Variants in CALN1 observed in about 807,000 individuals in gnomAD.
The protein encoded by CALN1 is calneuron 1, also known as calcium-binding protein 8.
In CALN1, 17 loss-of-function variants were observed where a neutral mutation model predicts 30.6. That is an observed-to-expected ratio of 0.56 (90% CI 0.38 to 0.83). The LOEUF (loss-of-function observed/expected upper bound fraction) is 0.83. CALN1 is among the 40% of genes least tolerant of loss of function. The pLI, the probability that CALN1 is intolerant of heterozygous loss-of-function variation, is 0.00. For synonymous variants in CALN1, 156 were observed against 131.4 expected (o/e 1.19, Z -1.28); for missense variants, 291 against 354.9 (o/e 0.82, Z 1.45).
chr7:72,074,697 T>C (rs1804618914), intron 4 of CALN1, among the ~76,000 whole-genome samples: 1 of 152,192 alleles, frequency 6.6e-6, no homozygotes, highest in Non-Finnish European at 1.5e-5. Flanking sequence ...CTTAAGCCAC[T>C]GCACCTGGCC....
chr7:71,867,131 CGA>C (rs1562855152), intron 5 of CALN1, among the ~76,000 whole-genome samples: 1 of 139,546 alleles, frequency 7.2e-6, no homozygotes, highest in Admixed American at 7.1e-5. Context: ...GGTGACAGAG[CGA>C]GACTCTGTCT....
At chr7:72,184,384 T>A (rs1464903463) in intron 3 of CALN1, among the ~76,000 whole-genome samples, 1 of 152,198 alleles carries the variant, frequency 6.6e-6, no homozygotes, top group Non-Finnish European at 1.5e-5. Flanking sequence ...CCCTCTCTCA[T>A]GTTGTAAGCA....
At chr7:72,428,073 T>C (rs373508274) in intron 1 of CALN1, among the ~76,000 whole-genome samples, 13 of 152,284 alleles carry the variant, frequency 8.5e-5, no homozygotes, top group African/African-American at 1.4e-4. Context: ...CTGTGTTCAT[T>C]TGAAGTGACC....
At chr7:72,288,146 T>C (rs534480958) in intron 2 of CALN1, among the ~76,000 whole-genome samples, 72 of 152,242 alleles carry the variant, frequency 4.7e-4, no homozygotes, top group Non-Finnish European at 8.7e-4. Flanking sequence ...GGGGCCACCA[T>C]CATCAGAAGG....
At chr7:72,196,171 G>A (rs1037414095) in intron 3 of CALN1, among the ~76,000 whole-genome samples, 5 of 151,880 alleles carry the variant, frequency 3.3e-5, no homozygotes, top group South Asian at 2.1e-4. Flanking sequence ...CCAGTGGAGC[G>A]CAGTGGCGAG....
chr7:72,248,285 T>A (rs1330963025), intron 3 of CALN1, among the ~76,000 whole-genome samples: 2 of 152,236 alleles, frequency 1.3e-5, no homozygotes, highest in Admixed American at 6.5e-5. Context: ...CAGCTAATTT[T>A]TGTATTTTTA....
intron 2 of CALN1, among the ~76,000 whole-genome samples, chr7:72,364,862 T>C (rs150296551): frequency 0.026 from 4,013 of 152,178 alleles, 203 homozygotes; most frequent in African/African-American, 0.091. Flanking sequence ...TAGTGAAACC[T>C]CGTCTCTACT....
intron 5 of CALN1, among the ~76,000 whole-genome samples, chr7:71,979,553 G>C (rs1404636028): frequency 6.6e-6 from 1 of 152,136 alleles, no homozygotes; most frequent in African/African-American, 2.4e-5. Context: ...AGGAATGAGA[G>C]GGACAGGGAG....
chr7:72,264,496 A>ATTTT (rs34126246), intron 3 of CALN1, among the ~76,000 whole-genome samples: 3 of 147,172 alleles, frequency 2.0e-5, no homozygotes, highest in African/African-American at 7.5e-5. Flanking sequence ...AATAAGCAGG[A>ATTTT]TTTTTTTTTT....
intron 4 of CALN1, among the ~76,000 whole-genome samples, chr7:72,086,581 G>A (rs1045750937): frequency 3.3e-5 from 5 of 151,974 alleles, no homozygotes; most frequent in South Asian, 2.1e-4. Context: ...CTACCGGCCC[G>A]TGCCACCATG....
chr7:71,881,289 ATGGCCTAT>A (rs67443358), intron 5 of CALN1, among the ~76,000 whole-genome samples: 17,157 of 152,048 alleles, frequency 0.11, 1,378 homozygotes, highest in East Asian at 0.43. Context: ...CAGCTTACAG[ATGGCCTAT>A]TGTGGGACTT....
At chr7:72,427,438 CTG>C (rs1364390688) in intron 1 of CALN1, among the ~76,000 whole-genome samples, 1 of 152,236 alleles carries the variant, frequency 6.6e-6, no homozygotes, top group Non-Finnish European at 1.5e-5. Context: ...CTGCTCCACT[CTG>C]TGCAGAGTTG....
the CALN1 span, among the ~76,000 whole-genome samples, chr7:72,487,870 A>T: frequency 1.4e-5 from 1 of 70,942 alleles, no homozygotes; most frequent in South Asian, 4.4e-4. Context: ...GAAAGAAAGA[A>T]AGAAAGAAAG....
intron 4 of CALN1, among the ~76,000 whole-genome samples, chr7:72,093,814 G>A (rs1005774031): frequency 1.3e-5 from 2 of 152,182 alleles, no homozygotes; most frequent in Non-Finnish European, 2.9e-5. Context: ...GTGCTCTGTA[G>A]AATTATCAGT....
In CALN1 at chr7:72,091,247, G is replaced by T. The variant is rs761346192; in HGVS notation, c.388+14904C>A. On this transcript the variant is annotated intron_variant, in intron 4 of 6. Transcript: ENST00000395275. ...CTTGGGAGGCTGAGGCAGGAGAATC[G>T]CTGGAACTGGTAGGCAAAGGTAGCA... Among the ~76,000 whole-genome samples the T allele has an allele frequency of 3.3e-5, 5 of 152,234 alleles. No individual in the cohort carries two copies. In the East Asian group the frequency reaches 5.8e-4, roughly 18 times the overall value.
intron 3 of CALN1, among the ~76,000 whole-genome samples, chr7:72,120,320 CA>C (rs1249147967): frequency 6.6e-6 from 1 of 152,064 alleles, no homozygotes; most frequent in Non-Finnish European, 1.5e-5. Flanking sequence ...AGCTTTATAT[CA>C]TTTTTTTCAC....
intron 5 of CALN1, among the ~76,000 whole-genome samples, chr7:71,951,754 A>G (rs897766840): frequency 2.0e-5 from 3 of 152,170 alleles, no homozygotes; most frequent in Non-Finnish European, 4.4e-5. Flanking sequence ...CTAAGACAAA[A>G]CTGATCACAG....
chr7:71,957,774 G>T, intron 5 of CALN1, among the ~76,000 whole-genome samples: 1 of 152,018 alleles, frequency 6.6e-6, no homozygotes, highest in Non-Finnish European at 1.5e-5. Flanking sequence ...CTAAGAAAGT[G>T]CAGGTTTCTG....
intron 5 of CALN1, among the ~76,000 whole-genome samples, chr7:71,846,943 A>G (rs1790297530): frequency 6.9e-6 from 1 of 145,394 alleles, no homozygotes; most frequent in African/African-American, 2.6e-5. Flanking sequence ...ACATATATGT[A>G]TATATACATA....
Sources: gnomAD v4.1 joint callset for allele counts (sites outside exome capture counted in the v4.1 genomes callset) on GRCh38, gnomAD v4.1.1 for gene constraint, MANE v1.5 for transcripts, NCBI Gene and HGNC (gene_info 2026-07-23, HGNC 2026-07-21) for gene names.